PCED1B: variants seen among roughly 807,000 people sequenced by gnomAD.
The protein encoded by PCED1B is PC-esterase domain containing 1B.
For synonymous variants in PCED1B, 251 were observed against 246.1 expected, an observed-to-expected ratio of 1.02 and a Z score of -0.19; for missense variants, 573 against 573.9, an observed-to-expected ratio of 1.00 and a Z score of 0.02.
chr12:47,174,419 A>C (rs1941857425), intron 2 of PCED1B, among the ~76,000 whole-genome samples: 1 of 150,434 alleles, frequency 6.6e-6, no homozygotes, highest in Non-Finnish European at 1.5e-5. Flanking sequence ...AAAAAAAAAA[A>C]CAAACAAAAC....
chr12:47,234,495 T>C (rs1035421661), intron 3 of PCED1B, among the ~76,000 whole-genome samples: 2 of 152,242 alleles, frequency 1.3e-5, no homozygotes, highest in African/African-American at 4.8e-5. Context: ...CATATCTCTT[T>C]TATATAGTTT....
intron 2 of PCED1B, among the ~76,000 whole-genome samples, chr12:47,199,733 T>A (rs2193721): frequency 0.33 from 49,732 of 152,042 alleles, 8,465 homozygotes; most frequent in East Asian, 0.6. Context: ...TCAAAGTGGA[T>A]CATAGACTTA....
rs1942322000 is a variant in PCED1B, at chr12:47,187,879, C to T, written c.-525-28343C>T. On this transcript the variant is annotated intron_variant, in intron 2 of 3. Coordinates refer to ENST00000546455, the MANE Select transcript of PCED1B (RefSeq NM_138371.3). ...CCTGGGTCAAAATGTAGAGGAAGAC[C>T]CCAGAAGGAGCAAAACTTTCACCTG... 1.9e-5 allele frequency: 3 copies of T among 153,898 alleles called. No homozygotes were observed. The South Asian group carries it at 6.1e-4, about 31-fold the overall frequency. 9.5% of individuals were successfully genotyped at this position (153,898 alleles called of 1,614,324 possible).
At chr12:47,176,034 T>G (rs1167202451) in intron 2 of PCED1B, among the ~76,000 whole-genome samples, 2 of 151,758 alleles carry the variant, frequency 1.3e-5, no homozygotes, top group Non-Finnish European at 2.9e-5. Context: ...CTTGCTCCTT[T>G]TAATACTGGC....
chr12:47,129,873 G>A (rs933011921), intron 2 of PCED1B, among the ~76,000 whole-genome samples: 3 of 152,210 alleles, frequency 2.0e-5, no homozygotes, highest in African/African-American at 7.2e-5. Context: ...TGTACACACT[G>A]ATTGGACTTG....
At chr12:47,180,628 C>G (rs561500452) in intron 2 of PCED1B, among the ~76,000 whole-genome samples, 1 of 151,780 alleles carries the variant, frequency 6.6e-6, no homozygotes, top group Non-Finnish European at 1.5e-5. Context: ...GCTTCTGCAC[C>G]GCAAAAGAAA....
At position 47,186,471 on chromosome 12, in the gene PCED1B, AG is replaced by A. The variant is rs376097243; in HGVS notation, c.-525-29745del. 8.7e-3 allele frequency among the ~76,000 whole-genome samples: 1,312 copies of A among 151,532 alleles called. 22 individuals are homozygous for A. The highest frequency in any genetic ancestry group is 0.031 in the African/African-American group (1,260 of 41,208). ...CCCTTTATGTTATCCCTTTACTGGT[AG>A]GGGGGTAGAGGGGGGCACTTTCACA... On this transcript the variant is annotated intron_variant, in intron 2 of 3. Coordinates refer to ENST00000546455, the MANE Select transcript of PCED1B (RefSeq NM_138371.3).
chr12:47,089,690 G>A (rs999361738), intron 1 of PCED1B, among the ~76,000 whole-genome samples: 15 of 151,714 alleles, frequency 9.9e-5, no homozygotes, highest in African/African-American at 1.7e-4. Context: ...AGAGAGATAC[G>A]TTTGCCAATA....
chr12:47,186,954 A>T (rs964589444), intron 2 of PCED1B, among the ~76,000 whole-genome samples: 2 of 152,180 alleles, frequency 1.3e-5, no homozygotes, highest in African/African-American at 2.4e-5. Context: ...GATTTCCATG[A>T]CTGGTTAGGC....
chr12:47,102,658 C>T (rs1015550780), intron 1 of PCED1B, among the ~76,000 whole-genome samples: 2 of 152,132 alleles, frequency 1.3e-5, no homozygotes, highest in Non-Finnish European at 2.9e-5. Context: ...TCCTGAGAGT[C>T]GCTTGTGTGT....
At chr12:47,127,586 G>T (rs890729700) in intron 2 of PCED1B, among the ~76,000 whole-genome samples, 2 of 151,544 alleles carry the variant, frequency 1.3e-5, no homozygotes, top group African/African-American at 4.9e-5. Flanking sequence ...GGATGGTCTC[G>T]ATCTCCTGAC....
At chr12:47,080,143 G>A (rs1360726366) in intron 1 of PCED1B, among the ~76,000 whole-genome samples, 1 of 151,864 alleles carries the variant, frequency 6.6e-6, no homozygotes, top group Admixed American at 6.5e-5. Flanking sequence ...GGAGGGGGCA[G>A]GGGTCCACAC....
intron 2 of PCED1B, among the ~76,000 whole-genome samples, chr12:47,197,860 T>G (rs1942653152): frequency 6.6e-6 from 1 of 152,086 alleles, no homozygotes; most frequent in Admixed American, 6.5e-5. Flanking sequence ...ATAGATAATC[T>G]GAATTAGCCA....
chr12:47,234,984 G>A (rs1213478018), intron 3 of PCED1B, 23 bp from the exon 4 acceptor site: 1 of 1,359,296 alleles, frequency 7.4e-7, no homozygotes, highest in Non-Finnish European at 9.9e-7. Context: ...GTCCCTCCCA[G>A]CCCTTCTCTC....
chr12:47,091,146 T>C (rs1268749396), intron 1 of PCED1B, among the ~76,000 whole-genome samples: 1 of 152,188 alleles, frequency 6.6e-6, no homozygotes, highest in Non-Finnish European at 1.5e-5. Flanking sequence ...ACCAATTTAT[T>C]ATCCCACAAG....
intron 2 of PCED1B, among the ~76,000 whole-genome samples, chr12:47,162,050 T>C (rs1353731234): frequency 6.7e-6 from 1 of 148,734 alleles, no homozygotes; most frequent in Non-Finnish European, 1.5e-5. Context: ...ACTCATAGGT[T>C]GGAATTGAAC....
At chr12:47,120,077 A>C (rs75000620) in intron 2 of PCED1B, among the ~76,000 whole-genome samples, 2 of 152,186 alleles carry the variant, frequency 1.3e-5, no homozygotes, top group Non-Finnish European at 2.9e-5. Context: ...CAATAAGTAC[A>C]TGAAAAGATG....
At chr12:47,170,667 C>CA (rs1941700756) in intron 2 of PCED1B, among the ~76,000 whole-genome samples, 1 of 152,176 alleles carries the variant, frequency 6.6e-6, no homozygotes, top group Non-Finnish European at 1.5e-5. Flanking sequence ...TTAAAAAACT[C>CA]ACTTTGTTTT....
intron 2 of PCED1B, among the ~76,000 whole-genome samples, chr12:47,121,071 G>A (rs890423916): frequency 6.6e-6 from 1 of 152,080 alleles, no homozygotes; most frequent in African/African-American, 2.4e-5. Context: ...CTAAAATTGT[G>A]GTGATGGTTC....
Sources: gnomAD v4.1 joint callset for allele counts (sites outside exome capture counted in the v4.1 genomes callset) on GRCh38, gnomAD v4.1.1 for gene constraint, MANE v1.5 for transcripts, NCBI Gene and HGNC (gene_info 2026-07-23, HGNC 2026-07-21) for gene names.